CPSF7: variants seen among roughly 807,000 people sequenced by gnomAD.
CPSF7 encodes cleavage and polyadenylation specific factor 7.
In CPSF7, 1 loss-of-function variant was observed where a neutral mutation model predicts 44.3. That is an observed-to-expected ratio of 0.02 (90% CI 0.01 to 0.11). The LOEUF is 0.11. Ranked by LOEUF, CPSF7 falls within the 10% of genes least tolerant of loss-of-function variation. CPSF7 has a pLI of 1.00. For missense variants in CPSF7, 443 were observed against 607.2 expected, an observed-to-expected ratio of 0.73 and a Z score of 2.84; for synonymous variants, 202 against 222.0, an observed-to-expected ratio of 0.91 and a Z score of 0.80.
rs1323148181 is a variant in CPSF7 at position 61,404,154 on chromosome 11, G to A, written c.*556C>T. On this transcript the variant is annotated 3_prime_UTR_variant, in exon 10 of 10. Coordinates refer to ENST00000439958, the MANE Select transcript of CPSF7 (RefSeq NM_001142565.3). ...AGTAGCTTTTCATAAGGTAATTTCT[G>A]TTCTCATGGTCCCTCCTCAAAGGGC... 6.6e-6 allele frequency: 1 copy of A among 152,618 alleles called. No homozygotes were observed. The highest frequency in any genetic ancestry group is 1.5e-5 in the Non-Finnish European group (1 of 68,058). 9.5% of individuals were successfully genotyped at this position (152,618 alleles called of 1,614,324 possible).
Position 61,403,547 on chromosome 11 carries a change from C to G in CPSF7, c.*1163G>C, listed in dbSNP as rs1026684542. On this transcript the variant is annotated 3_prime_UTR_variant, in exon 10 of 10. Coordinates refer to ENST00000439958, the MANE Select transcript of CPSF7 (RefSeq NM_001142565.3). ...GCTCCTCATCTGAGGCAGGAAGTAT[C>G]TCCAGGCAGAGTGAGAGGAGCTATT... The G allele has an allele frequency of 6.6e-6, 1 of 152,146 alleles. No individual in the cohort carries two copies. The highest frequency in any genetic ancestry group is 2.4e-5 in the African/African-American group (1 of 41,436). The allele number at this position is 152,146 out of a possible 1,614,324, so 9.4% of individuals were successfully genotyped here.
intron 9 of CPSF7, among the ~76,000 whole-genome samples, chr11:61,409,829 C>T (rs187563642): frequency 1.1e-4 from 16 of 152,026 alleles, no homozygotes; most frequent in East Asian, 7.8e-4. Context: ...GAAAAATTAG[C>T]GGGCGTGGTG....
intron 5 of CPSF7, among the ~76,000 whole-genome samples, chr11:61,417,148 A>T (rs1860415774): frequency 6.6e-6 from 1 of 152,198 alleles, no homozygotes; most frequent in African/African-American, 2.4e-5. Flanking sequence ...GAGATACGCC[A>T]ATAAAAGATC....
rs930398508 is a variant in CPSF7, at chr11:61,402,997, C to G, written c.*1713G>C. On this transcript the variant is annotated 3_prime_UTR_variant, in exon 10 of 10. Transcript: ENST00000439958. Reference sequence around the variant, plus strand: ...TTTTCTCTACATTTTAAAAGACACCCGGAGTTGCTCTCAATAAGCACATCA... The same window carrying G: ...TTTTCTCTACATTTTAAAAGACACCGGGAGTTGCTCTCAATAAGCACATCA... The G allele has an allele frequency of 4.0e-5, 6 of 151,598 alleles. No homozygotes were observed. Among genetic ancestry groups the G allele is most frequent in the African/African-American group, 1.5e-4 (6 of 41,192 alleles). The allele number at this position is 151,598 out of a possible 1,614,324, so 9.4% of individuals were successfully genotyped here.
intron 9 of CPSF7, among the ~76,000 whole-genome samples, chr11:61,409,817 CAG>C (rs965713689): frequency 2.5e-4 from 38 of 151,806 alleles, no homozygotes; most frequent in African/African-American, 9.2e-4. Flanking sequence ...CTACTAAAAA[CAG>C]AAAAATTAGC....
At chr11:61,419,923 C>A in intron 5 of CPSF7, 26 bp downstream of exon 5, 1 of 1,612,576 alleles carries the variant, frequency 6.2e-7, no homozygotes, top group South Asian at 1.1e-5. Flanking sequence ...TCCACGTACC[C>A]CCTCTTGGGA....
chr11:61,418,909 G>C (rs528126424), intron 5 of CPSF7, among the ~76,000 whole-genome samples: 19 of 152,248 alleles, frequency 1.2e-4, no homozygotes, highest in Admixed American at 4.6e-4. Flanking sequence ...AGTAAAGACA[G>C]GGTTTTGCCA....
intron 4 of CPSF7, among the ~76,000 whole-genome samples, 183 bp from the exon 5 acceptor site, chr11:61,420,277 G>A (rs1423391826): frequency 6.6e-6 from 1 of 152,170 alleles, no homozygotes; most frequent in African/African-American, 2.4e-5. Flanking sequence ...TTAAAAATCA[G>A]TATTCTTCGC....
intron 2 of CPSF7, among the ~76,000 whole-genome samples, chr11:61,424,162 T>C (rs1590731441): frequency 6.6e-6 from 1 of 152,150 alleles, no homozygotes; most frequent in East Asian, 1.9e-4. Flanking sequence ...AGGGTCAGCA[T>C]GTAAAGAATG....
At chr11:61,429,804 TCCGCCCGCAGACTCCGG>T in intron 1 of CPSF7, 93 bp downstream of exon 1, 4 of 1,542,704 alleles carry the variant, frequency 2.6e-6, no homozygotes, top group Non-Finnish European at 3.5e-6. Flanking sequence ...CGCGACTCCC[TCCGCCCGCAGACTCCGG>T]CCGTCCCATC....
At chr11:61,421,112 C>T (rs143277369) in intron 3 of CPSF7, 21 of 1,395,620 alleles carry the variant, frequency 1.5e-5, no homozygotes, top group Middle Eastern at 1.9e-4. Flanking sequence ...TCTGAAATCT[C>T]GTCCCTCAGA....
intron 2 of CPSF7, among the ~76,000 whole-genome samples, chr11:61,424,789 G>A (rs1203292001): frequency 1.3e-5 from 2 of 152,062 alleles, no homozygotes; most frequent in Non-Finnish European, 2.9e-5. Context: ...CAAATGACAC[G>A]TAAACAGAAT....
At chr11:61,429,608 C>G (rs915452783) in intron 1 of CPSF7, 5 of 841,962 alleles carry the variant, frequency 5.9e-6, no homozygotes, top group Non-Finnish European at 8.9e-6. Flanking sequence ...CGCGGCGAAG[C>G]CCGCAGCCCC....
intron 8 of CPSF7, 79 bp from the exon 9 acceptor site, chr11:61,411,184 A>G: frequency 8.4e-6 from 12 of 1,421,226 alleles, no homozygotes; most frequent in Non-Finnish European, 1.1e-5. Flanking sequence ...GTGTCTTCTG[A>G]TATTTGCCTA....
At chr11:61,422,596 G>GCCCA (rs1860984298) in intron 2 of CPSF7, among the ~76,000 whole-genome samples, 1 of 151,912 alleles carries the variant, frequency 6.6e-6, no homozygotes, top group African/African-American at 2.4e-5. Flanking sequence ...GGATTACAGG[G>GCCCA]GTGACTACCA....
intron 2 of CPSF7, among the ~76,000 whole-genome samples, chr11:61,424,565 G>C (rs1340295142): frequency 1.3e-5 from 2 of 152,152 alleles, no homozygotes; most frequent in Non-Finnish European, 2.9e-5. Flanking sequence ...TGATTCTCCT[G>C]CCTCAGCCTC....
In CPSF7 at chr11:61,404,023, G is replaced by C. The variant is rs2135214862; in HGVS notation, c.*687C>G. ...TCATAGGCCTTCTCTGCTTAGGAGG[G>C]GCAAGTCCACTGAGAAGGCTGGGCA... On this transcript the variant is annotated 3_prime_UTR_variant, in exon 10 of 10. Transcript: ENST00000439958. 1 of 152,718 alleles carries C rather than the reference G, an allele frequency of 6.5e-6. No individual in the cohort carries two copies. The highest frequency in any genetic ancestry group is 1.5e-5 in the Non-Finnish European group (1 of 68,046). 9.5% of individuals were successfully genotyped at this position (152,718 alleles called of 1,614,324 possible).
rs1465275983 is a variant in CPSF7 at position 61,402,944 on chromosome 11, T to C, written c.*1766A>G. 1 of 152,030 alleles carries C rather than the reference T, an allele frequency of 6.6e-6. No homozygotes were observed. Among genetic ancestry groups the C allele is most frequent in the Non-Finnish European group, 1.5e-5 (1 of 68,030 alleles). The allele number at this position is 152,030 out of a possible 1,614,324, so 9.4% of individuals were successfully genotyped here. ...CGGGTAAACGGCATTTCTGGTATTCTATATATATTTTTCCTTAAACTGTCA... is the reference window on the plus strand; with the variant it reads ...CGGGTAAACGGCATTTCTGGTATTCCATATATATTTTTCCTTAAACTGTCA... On this transcript the variant is annotated 3_prime_UTR_variant, in exon 10 of 10. Transcript: ENST00000439958.
intron 3 of CPSF7, chr11:61,421,078 C>A (rs1218842464): frequency 1.5e-6 from 2 of 1,360,186 alleles, no homozygotes; most frequent in African/African-American, 2.9e-5. Flanking sequence ...CATCTAATGA[C>A]CACCAAGAGT....
Sources: allele counts gnomAD v4.1 joint callset (sites outside exome capture counted in the v4.1 genomes callset), GRCh38; gene constraint gnomAD v4.1.1; transcripts MANE v1.5; gene names NCBI Gene and HGNC (gene_info 2026-07-23, HGNC 2026-07-21).